The following PRKN variants were observed in gnomAD, a reference collection of about 807,000 sequenced individuals.
PRKN encodes parkin RBR E3 ubiquitin protein ligase, also known as E3 ubiquitin-protein ligase parkin.
PRKN carries 56 observed loss-of-function variants against 59.5 expected under a neutral mutation model. That is an observed-to-expected ratio of 0.94 (90% CI 0.76 to 1.18). PRKN has a LOEUF of 1.18. PRKN is among the 50% of genes most tolerant of loss of function. The probability of loss-of-function intolerance (pLI) is 0.00; values close to 1 mark genes in which losing one functional copy is unlikely to be tolerated. For synonymous variants in PRKN, 250 were observed against 222.1 expected, an observed-to-expected ratio of 1.13 and a Z score of -1.12; for missense variants, 657 against 596.4, an observed-to-expected ratio of 1.10 and a Z score of -1.06.
At chr6:162,130,002 T>G (rs1337541313) in intron 4 of PRKN, among the ~76,000 whole-genome samples, 1 of 151,854 alleles carries the variant, frequency 6.6e-6, no homozygotes, top group African/African-American at 2.4e-5. Flanking sequence ...AATTGAGGAG[T>G]AGAGAATGAA....
chr6:162,693,667 G>T (rs865877667), intron 1 of PRKN, among the ~76,000 whole-genome samples: 1 of 152,194 alleles, frequency 6.6e-6, no homozygotes, highest in South Asian at 2.1e-4. Context: ...TGGGTTATGG[G>T]CACAAAGATC....
Position 162,198,532 on chromosome 6 carries a change from ATATT to A in PRKN, c.534+2595_534+2598del, listed in dbSNP as rs560953725. On this transcript the variant is annotated intron_variant, in intron 4 of 11. Transcript: ENST00000366898. ...ACAATAAAGAATTTTACATTTCTAA[ATATT>A]TATGTTCTGGCTACTGTTCTAAGTA... Among the ~76,000 whole-genome samples, 773 of 152,264 alleles carry A rather than the reference ATATT, an allele frequency of 5.1e-3. 5 individuals are homozygous for A. The highest frequency in any genetic ancestry group is 0.018 in the African/African-American group (735 of 41,536).
In PRKN at chr6:162,552,466, G is replaced by A. The variant is rs564733114; in HGVS notation, c.8-108993C>T. On this transcript the variant is annotated intron_variant, in intron 1 of 11. Transcript: ENST00000366898. ...CATTTCTGTGGATGGATTGGATGTG[G>A]GAGTGTGGGAGGTGCAGAATCAAAA... Among the ~76,000 whole-genome samples the A allele has an allele frequency of 3.3e-5, 5 of 152,252 alleles. No homozygotes were observed. In the South Asian group the frequency reaches 1.0e-3, roughly 32 times the overall value.
At chr6:162,614,866 G>A (rs1031567038) in intron 1 of PRKN, among the ~76,000 whole-genome samples, 2 of 152,164 alleles carry the variant, frequency 1.3e-5, no homozygotes, top group African/African-American at 4.8e-5. Context: ...GAAAAGCAAA[G>A]ATTATAGGCA....
intron 9 of PRKN, among the ~76,000 whole-genome samples, chr6:161,524,021 TC>T: frequency 6.6e-6 from 1 of 152,344 alleles, no homozygotes; most frequent in African/African-American, 2.4e-5. Flanking sequence ...AAATTTTTTT[TC>T]CTATCCAGAT....
chr6:162,646,521 C>A (rs1778193471), intron 1 of PRKN, among the ~76,000 whole-genome samples: 1 of 151,964 alleles, frequency 6.6e-6, no homozygotes, highest in African/African-American at 2.4e-5. Context: ...TGGCCTCAAG[C>A]AATTCTCCCA....
chr6:161,860,908 A>G (rs573329560), intron 6 of PRKN, among the ~76,000 whole-genome samples: 2 of 152,312 alleles, frequency 1.3e-5, no homozygotes, highest in South Asian at 2.1e-4. Flanking sequence ...CAGAATGGCG[A>G]TTATTAAAAA....
chr6:161,443,325 A>AAAAG (rs1554261812), intron 9 of PRKN, among the ~76,000 whole-genome samples: 15 of 149,938 alleles, frequency 1.0e-4, no homozygotes, highest in African/African-American at 3.0e-4. Flanking sequence ...AAAAAAAAAA[A>AAAAG]AATCAGGGAG....
intron 9 of PRKN, among the ~76,000 whole-genome samples, chr6:161,508,558 C>A (rs1414597299): frequency 1.3e-5 from 2 of 152,202 alleles, no homozygotes; most frequent in East Asian, 3.9e-4. Flanking sequence ...CTCAGCAGAG[C>A]AGGAAAACAT....
At position 162,160,890 on chromosome 6, in the gene PRKN, C is replaced by CAAAA. The variant is rs56320816; in HGVS notation, c.534+40237_534+40240dup. ...TGGGCAACACAGAGAGACTCCGTCT[C>CAAAA]AAAAAAAAAAAAAAAAAAAAAAAAA... is the stretch of plus-strand genomic sequence containing the variant. On this transcript the variant is annotated intron_variant, in intron 4 of 11. Coordinates refer to ENST00000366898, the MANE Select transcript of PRKN (RefSeq NM_004562.3). Among the ~76,000 whole-genome samples the CAAAA allele has an allele frequency of 1.5e-4, 12 of 80,278 alleles. 1 individual carries two copies. The highest frequency in any genetic ancestry group is 2.9e-4 in the East Asian group (1 of 3,392). 52.7% of individuals were successfully genotyped at this position (80,278 alleles called of 152,430 possible).
In PRKN at chr6:162,460,919, T is replaced by G. The variant is rs571051130; in HGVS notation, c.8-17446A>C. ...AACCTTTAATATAGAAAATATAATT[T>G]GCTCAAATTACTCACACTGTTCTAA... is the stretch of plus-strand genomic sequence containing the variant. On this transcript the variant is annotated intron_variant, in intron 1 of 11. Coordinates refer to ENST00000366898, the MANE Select transcript of PRKN (RefSeq NM_004562.3). Among the ~76,000 whole-genome samples the G allele has an allele frequency of 6.6e-5, 10 of 152,334 alleles. No individual in the cohort carries two copies. In the South Asian group the frequency reaches 2.1e-3, roughly 32 times the overall value.
intron 6 of PRKN, among the ~76,000 whole-genome samples, chr6:161,834,858 C>A (rs1455947519): frequency 6.6e-6 from 1 of 152,174 alleles, no homozygotes; most frequent in Non-Finnish European, 1.5e-5. Context: ...TGTACCATTG[C>A]CTGCCTGGGA....
chr6:162,365,365 T>C (rs764244652), intron 2 of PRKN, among the ~76,000 whole-genome samples: 4 of 152,192 alleles, frequency 2.6e-5, no homozygotes, highest in Admixed American at 1.3e-4. Context: ...CTTTACAAGA[T>C]GATTATATTC....
In PRKN at chr6:161,446,649, C is replaced by T. The variant is rs1423923121; in HGVS notation, c.1084-59772G>A. On this transcript the variant is annotated intron_variant, in intron 9 of 11. Coordinates refer to ENST00000366898, the MANE Select transcript of PRKN (RefSeq NM_004562.3). This position sits in a 1 kb window ranked among gnomAD's most constrained non-coding sequence, Gnocchi z 6.2. Reference sequence around the variant, plus strand: ...AACTAAATGCAGCCTCTTTTCTACCCATGATTTATTAGACCTCCCCTTTCT... The same window carrying T: ...AACTAAATGCAGCCTCTTTTCTACCTATGATTTATTAGACCTCCCCTTTCT... 6.6e-6 allele frequency among the ~76,000 whole-genome samples: 1 copy of T among 152,126 alleles called. No homozygotes were observed. Among genetic ancestry groups the T allele is most frequent in the Non-Finnish European group, 1.5e-5 (1 of 68,018 alleles).
At chr6:162,477,648 T>C (rs1583641227) in intron 1 of PRKN, among the ~76,000 whole-genome samples, 2 of 152,104 alleles carry the variant, frequency 1.3e-5, no homozygotes, top group South Asian at 4.1e-4. Flanking sequence ...TGCTATACTT[T>C]CCCCTTTCAG....
At chr6:162,537,999 T>A (rs1299206549) in intron 1 of PRKN, among the ~76,000 whole-genome samples, 4 of 152,236 alleles carry the variant, frequency 2.6e-5, no homozygotes, top group African/African-American at 9.6e-5. Context: ...ATTATTGTTT[T>A]GTTTTGATAC....
chr6:161,855,088 AAAAAAAAAAAG>A (rs1793595795), intron 6 of PRKN, among the ~76,000 whole-genome samples: 2 of 149,410 alleles, frequency 1.3e-5, no homozygotes, highest in African/African-American at 5.0e-5. Context: ...ATCTCAAAAA[AAAAAAAAAAAG>A]AAAAAAAAAA....
chr6:162,620,225 T>C (rs1782608035), intron 1 of PRKN, among the ~76,000 whole-genome samples: 1 of 152,158 alleles, frequency 6.6e-6, no homozygotes, highest in East Asian at 1.9e-4. Context: ...GTAATATATA[T>C]TTAAGCTGTC....
At chr6:161,403,155 C>T (rs557117930) in intron 9 of PRKN, among the ~76,000 whole-genome samples, 1 of 152,130 alleles carries the variant, frequency 6.6e-6, no homozygotes, top group South Asian at 2.1e-4. Flanking sequence ...TCCTCCCTCT[C>T]GATTTAGTGG....
Sources: allele counts gnomAD v4.1 joint callset (sites outside exome capture counted in the v4.1 genomes callset), GRCh38; gene constraint gnomAD v4.1.1; non-coding constraint Gnocchi (gnomAD v3.1); transcripts MANE v1.5; gene names NCBI Gene and HGNC (gene_info 2026-07-23, HGNC 2026-07-21).